The following EHBP1 variants were observed in gnomAD, a reference collection of about 807,000 sequenced individuals.
The protein encoded by EHBP1 is EH domain-binding protein 1.
Under a neutral mutation model 144.0 loss-of-function variants are expected in EHBP1, and 55 were observed. That is an observed-to-expected ratio of 0.38 (90% CI 0.31 to 0.48). The LOEUF is 0.48. Ranked by LOEUF, EHBP1 falls within the 20% of genes least tolerant of loss-of-function variation. The pLI, the probability that EHBP1 is intolerant of heterozygous loss-of-function variation, is 0.98. For missense variants in EHBP1, 1,200 were observed against 1,364.2 expected (o/e 0.88, Z 1.90); for synonymous variants, 469 against 472.7 (o/e 0.99, Z 0.10).
intron 9 of EHBP1, among the ~76,000 whole-genome samples, chr2:62,872,852 T>C (rs1230275394): frequency 6.6e-6 from 1 of 152,148 alleles, no homozygotes; most frequent in Non-Finnish European, 1.5e-5. Flanking sequence ...ACATTTCCTG[T>C]TCATTCTTGA....
intron 18 of EHBP1, 86 bp from the exon 19 acceptor site, chr2:62,996,557 G>A: frequency 6.4e-7 from 1 of 1,554,194 alleles, no homozygotes; most frequent in South Asian, 1.1e-5. Context: ...GGTTCTCTAG[G>A]TAAGTGCTTT....
intron 3 of EHBP1, among the ~76,000 whole-genome samples, chr2:62,761,727 G>A (rs958755298): frequency 2.6e-5 from 4 of 151,970 alleles, no homozygotes; most frequent in African/African-American, 9.7e-5. Context: ...TACTGTTAAG[G>A]ACATTAGCAA....
chr2:62,853,255 G>A (rs1042795630), intron 7 of EHBP1, among the ~76,000 whole-genome samples: 1 of 152,120 alleles, frequency 6.6e-6, no homozygotes, highest in South Asian at 2.1e-4. Context: ...ATATATAAAA[G>A]TTATGTTTAC....
At chr2:62,750,824 CA>C (rs1271874250) in intron 3 of EHBP1, among the ~76,000 whole-genome samples, 1 of 152,126 alleles carries the variant, frequency 6.6e-6, no homozygotes, top group Admixed American at 6.5e-5. Context: ...GATTTTTGCG[CA>C]TTGATTTTGT....
chr2:62,920,942 T>A (rs1000703616), intron 10 of EHBP1, among the ~76,000 whole-genome samples: 2 of 152,146 alleles, frequency 1.3e-5, no homozygotes, highest in Non-Finnish European at 2.9e-5. Flanking sequence ...GTTCTTAGAT[T>A]ACAGGCATGA....
chr2:62,871,282 G>C (rs573265264), intron 9 of EHBP1, among the ~76,000 whole-genome samples: 2 of 152,224 alleles, frequency 1.3e-5, no homozygotes, highest in African/African-American at 4.8e-5. Context: ...CTTTTTAAAT[G>C]CCTTAATAAA....
At chr2:62,756,274 A>C (rs1437404400) in intron 3 of EHBP1, among the ~76,000 whole-genome samples, 3 of 152,218 alleles carry the variant, frequency 2.0e-5, no homozygotes, top group Admixed American at 6.5e-5. Context: ...ATGCAAACAT[A>C]TGAGGCTACA....
intron 9 of EHBP1, among the ~76,000 whole-genome samples, chr2:62,870,250 C>G (rs184742918): frequency 5.9e-5 from 9 of 152,140 alleles, no homozygotes; most frequent in Non-Finnish European, 1.0e-4. Context: ...TATTTGACTA[C>G]TAGTTGTTGT....
intron 2 of EHBP1, among the ~76,000 whole-genome samples, chr2:62,712,237 A>G (rs1402330883): frequency 6.6e-6 from 1 of 152,212 alleles, no homozygotes. Flanking sequence ...GAAGCAGGGT[A>G]CATGGGTAGA....
chr2:62,777,904 A>G (rs962352624), intron 5 of EHBP1, among the ~76,000 whole-genome samples: 1 of 152,206 alleles, frequency 6.6e-6, no homozygotes, highest in Non-Finnish European at 1.5e-5. Context: ...AAAGTAACTG[A>G]AAGAGGAAAA....
At chr2:62,724,811 C>G (rs1056701176) in intron 2 of EHBP1, among the ~76,000 whole-genome samples, 1 of 152,160 alleles carries the variant, frequency 6.6e-6, no homozygotes, top group Non-Finnish European at 1.5e-5. Context: ...CGCCTCCTGT[C>G]AGATCAGTGG....
chr2:62,924,228 C>T (rs1019647236), intron 10 of EHBP1, among the ~76,000 whole-genome samples: 2 of 152,138 alleles, frequency 1.3e-5, no homozygotes, highest in African/African-American at 4.8e-5. Context: ...CCTATGGCCA[C>T]AGGAGAAGCA....
chr2:62,930,742 CA>C (rs2055920720), intron 10 of EHBP1, among the ~76,000 whole-genome samples: 1 of 152,078 alleles, frequency 6.6e-6, no homozygotes, highest in Non-Finnish European at 1.5e-5. Context: ...CAGTGATTTT[CA>C]ACAAGAGAGT....
chr2:62,696,632 G>C (rs1412915145), intron 1 of EHBP1, among the ~76,000 whole-genome samples: 1 of 144,292 alleles, frequency 6.9e-6, no homozygotes, highest in Non-Finnish European at 1.5e-5. Flanking sequence ...TCCTGCCTCA[G>C]CCTGCCAAGT....
At chr2:62,779,670 C>A (rs898496639) in intron 5 of EHBP1, among the ~76,000 whole-genome samples, 23 of 152,146 alleles carry the variant, frequency 1.5e-4, no homozygotes, top group African/African-American at 5.6e-4. Context: ...GAGTCTTAAA[C>A]CCTTTTGGAT....
At chr2:62,957,904 C>G (rs1393936298) in intron 14 of EHBP1, among the ~76,000 whole-genome samples, 2 of 151,796 alleles carry the variant, frequency 1.3e-5, no homozygotes, top group Non-Finnish European at 2.9e-5. Flanking sequence ...CCTCGGCCTC[C>G]CAAAATGTGA....
chr2:62,928,586 A>G (rs2055723634), intron 10 of EHBP1, among the ~76,000 whole-genome samples: 1 of 152,160 alleles, frequency 6.6e-6, no homozygotes, highest in Admixed American at 6.5e-5. Context: ...GGATCTTATT[A>G]ATATTATTTT....
chr2:63,045,136 C>A lies in EHBP1; in HGVS notation c.3348C>A (p.Asn1116Lys). The A allele has an allele frequency of 6.3e-7, 1 of 1,597,992 alleles. No individual in the cohort carries two copies. ...TAGATGAGCTGGTGGCCCTGGTGAA[C>A]AAGCGCGATGCGCTCGTCAGGGACC... ...LLLDELVALV[N>K]KRDALVRDLD... Residue 1116 changes from asparagine (N) to lysine (K), a missense_variant, in exon 22 of 23, where the codon AAC becomes AAA. Asn to Lys is a moderately conservative substitution (Grantham distance 94). This residue lies in a region of EHBP1 where 149 missense variants were observed against 217.0 expected (regional missense o/e 0.69). Transcript: ENST00000431489. This position sits in a 1 kb window ranked among gnomAD's most constrained non-coding sequence, Gnocchi z 5.7.
intron 19 of EHBP1, among the ~76,000 whole-genome samples, chr2:63,026,749 A>G (rs1384048650): frequency 1.3e-5 from 2 of 152,222 alleles, no homozygotes; most frequent in African/African-American, 4.8e-5. Flanking sequence ...GTAAGAAATC[A>G]TATACCAACC....
Sources: allele counts gnomAD v4.1 joint callset (sites outside exome capture counted in the v4.1 genomes callset), GRCh38; gene constraint gnomAD v4.1.1; regional missense constraint gnomAD v4.1.1; non-coding constraint Gnocchi (gnomAD v3.1); transcripts MANE v1.5; gene names NCBI Gene and HGNC (gene_info 2026-07-23, HGNC 2026-07-21).